Variants in NCAPD3 observed in about 807,000 individuals in gnomAD.
NCAPD3 encodes condensin-2 complex subunit D3.
NCAPD3 carries 105 observed loss-of-function variants against 182.9 expected under a neutral mutation model. The ratio of observed to expected loss-of-function variants is 0.57; its 90% CI spans 0.49 to 0.68. The LOEUF (loss-of-function observed/expected upper bound fraction) is 0.68. NCAPD3 is among the 30% of genes least tolerant of loss of function. The pLI is 0.00. For synonymous variants in NCAPD3, 815 were observed against 679.9 expected (o/e 1.20, Z -3.09); for missense variants, 1,944 against 1,837.0 (o/e 1.06, Z -1.07).
intron 16 of NCAPD3, among the ~76,000 whole-genome samples, chr11:134,186,919 C>T (rs1944419134): frequency 6.6e-6 from 1 of 152,060 alleles, no homozygotes; most frequent in African/African-American, 2.4e-5. Context: ...GTCCAAATAC[C>T]ACAAGATATA....
rs768233170 is a variant in NCAPD3, at chr11:134,158,115, C to T, written c.4035-48G>A. The T allele has an allele frequency of 5.6e-6, 9 of 1,597,160 alleles. No homozygotes were observed. In the East Asian group the frequency reaches 2.0e-4, roughly 36 times the overall value. ...CTGACTTTCTCACTGCAGACCACTG[C>T]AGAGGTGACAGTGCTGCACTGTGTC... On this transcript the variant is annotated intron_variant, in intron 30 of 34. Transcript: ENST00000534548.
Position 134,153,042 on chromosome 11 carries a change from G to A in NCAPD3, c.4399C>T (p.Pro1467Ser). Residue 1467 changes from proline to serine, a missense_variant, in exon 35 of 35, where the codon CCT (proline) becomes TCT (serine). Pro to Ser is a moderately conservative substitution (Grantham distance 74, BLOSUM62 -1). Around this residue, in one of 3 missense-constraint regions of NCAPD3, gnomAD observed 1,803 missense variants for 1,674.6 expected, o/e 1.08. Transcript: ENST00000534548. ...GGAGACCGCACATTCCACTGCTGAG[G>A]CTGTGGGGGCCTAGGGAAAGGACAT... Reference protein sequence around the residue: ...LSLPDKPPPQPQQWNVRSPAR... With the variant: ...LSLPDKPPPQSQQWNVRSPAR... The A allele has an allele frequency of 6.2e-7, 1 of 1,603,282 alleles. No individual in the cohort carries two copies. The highest frequency in any genetic ancestry group is 8.5e-7 in the Non-Finnish European group (1 of 1,172,498).
Position 134,174,725 on chromosome 11 carries a change from A to C in NCAPD3, c.3101+1582T>G, listed in dbSNP as rs574127079. ...TGTCTATTTTCAAAAAGCTAGGGAG[A>C]GGATTTTGAAAGTTCCTGACACAAA... On this transcript the variant is annotated intron_variant, in intron 24 of 34. Transcript: ENST00000534548. 3.9e-5 allele frequency among the ~76,000 whole-genome samples: 6 copies of C among 152,340 alleles called. No individual in the cohort carries two copies. In the South Asian group the frequency reaches 8.3e-4, roughly 21 times the overall value.
chr11:134,182,854 C>T lies in NCAPD3; in HGVS notation c.2452-1670G>A, dbSNP rs908186960. Among the ~76,000 whole-genome samples the T allele has an allele frequency of 1.5e-4, 23 of 152,216 alleles. 1 individual carries two copies. Among genetic ancestry groups the T allele is most frequent in the Non-Finnish European group, 1.5e-4 (10 of 68,040 alleles). On this transcript the variant is annotated intron_variant, in intron 19 of 34. Transcript: ENST00000534548. ...GAGAAGCGTGTTTAGGGGAAACAAG[C>T]GGGTCACATGGATTGAAAATATCCT...
chr11:134,206,795 T>G, intron 7 of NCAPD3, 63 bp from the exon 8 acceptor site: 3 of 1,518,936 alleles, frequency 2.0e-6, no homozygotes, highest in Non-Finnish European at 2.7e-6. Flanking sequence ...TCAGACATAG[T>G]GATGCAGACT....
Position 134,150,855 on chromosome 11 carries a change from C to A in NCAPD3, c.*2089G>T, listed in dbSNP as rs530777526. 14 of 152,226 alleles carry A rather than the reference C, an allele frequency of 9.2e-5. No homozygotes were observed. The highest frequency in any genetic ancestry group is 8.3e-4 in the South Asian group (4 of 4,822). The allele number at this position is 152,226 out of a possible 1,614,324, so 9.4% of individuals were successfully genotyped here. On this transcript the variant is annotated 3_prime_UTR_variant, in exon 35 of 35. Transcript: ENST00000534548. ...GCGGCCAGTCCAGCCTTTTAAAGAACGTCAGGTGGAGCAGCCAGGTGAAAG... is the reference window on the plus strand; with the variant it reads ...GCGGCCAGTCCAGCCTTTTAAAGAAAGTCAGGTGGAGCAGCCAGGTGAAAG...
rs1012431935 is a variant in NCAPD3 at position 134,152,701 on chromosome 11, A to ATATT, written c.*239_*242dup. ...CACTTTCAAATGGAATAAAGTTACA[A>ATATT]TATTAAACAGATTAGGGTAAGAAAA... On this transcript the variant is annotated 3_prime_UTR_variant, in exon 35 of 35. Transcript: ENST00000534548. The ATATT allele has an allele frequency of 4.9e-6, 2 of 412,064 alleles. No homozygotes were observed. Among genetic ancestry groups the ATATT allele is most frequent in the Non-Finnish European group, 8.6e-6 (2 of 233,680 alleles). 25.5% of individuals were successfully genotyped at this position (412,064 alleles called of 1,614,324 possible). A position where few individuals can be genotyped will look rare whatever the true frequency, so the allele number is the denominator to read the frequency against.
At chr11:134,209,812 C>T (rs1381825624) in intron 4 of NCAPD3, 3 of 238,348 alleles carry the variant, frequency 1.3e-5, no homozygotes, top group East Asian at 9.9e-5. Flanking sequence ...GTAACCCCAG[C>T]GGGAGGCCAA....
intron 27 of NCAPD3, among the ~76,000 whole-genome samples, chr11:134,165,292 A>T: frequency 7.1e-6 from 1 of 140,208 alleles, no homozygotes; most frequent in South Asian, 2.4e-4. Context: ...TGTGAGATGA[A>T]CTTAGGGAAG....
At chr11:134,156,964 C>A in intron 32 of NCAPD3, 54 bp downstream of exon 32, 1 of 1,463,102 alleles carries the variant, frequency 6.8e-7, no homozygotes. Context: ...GCAAACACAT[C>A]ACGAATGCAG....
intron 16 of NCAPD3, among the ~76,000 whole-genome samples, chr11:134,186,801 T>C (rs377457384): frequency 6.6e-6 from 1 of 152,116 alleles, no homozygotes; most frequent in East Asian, 1.9e-4. Flanking sequence ...AATAAGCATA[T>C]GCATATAAAT....
intron 28 of NCAPD3, among the ~76,000 whole-genome samples, chr11:134,161,123 A>T (rs1943565702): frequency 6.6e-6 from 1 of 152,184 alleles, no homozygotes; most frequent in South Asian, 2.1e-4. Context: ...TGGAAAAAAA[A>T]TTGTAGCATT....
chr11:134,183,019 A>T, intron 19 of NCAPD3: 1 of 445,978 alleles, frequency 2.2e-6, no homozygotes, highest in African/African-American at 2.0e-5. Context: ...TAACCTGAAG[A>T]CAGTTCTTGC....
At position 134,210,386 on chromosome 11, in the gene NCAPD3, A is replaced by C; in HGVS notation, c.451T>G (p.Trp151Gly). The change falls in exon 4 of 35, where the codon TGG (tryptophan) becomes GGG (glycine). Residue 151 changes from tryptophan to glycine, a missense_variant. This residue lies in a region of NCAPD3 where 1,803 missense variants were observed against 1,674.6 expected (regional missense o/e 1.08). Transcript: ENST00000534548. ...DKCIQTLKKS[W>G]PQESNLNRKR... ...CGATTCAAGTTAGATTCCTGGGGCC[A>C]GCTCTTCTTTAGAGTCTGAATGCAT... 5 of 1,614,162 alleles carry C rather than the reference A, an allele frequency of 3.1e-6. No homozygotes were observed. Among genetic ancestry groups the C allele is most frequent in the African/African-American group, 1.3e-5 (1 of 75,052 alleles).
Position 134,209,188 on chromosome 11 carries a change from T to C in NCAPD3, c.751A>G (p.Asn251Asp). Reference protein sequence around the residue: ...NCIEVFVSLTNFEPVLHECHV... With the variant: ...NCIEVFVSLTDFEPVLHECHV... Reference sequence around the variant, plus strand: ...CATTCATGAAGAACTGGCTCAAAATTAGTTAATGAAACAAAGACCTAGAAA... The same window carrying C: ...CATTCATGAAGAACTGGCTCAAAATCAGTTAATGAAACAAAGACCTAGAAA... The change falls in exon 6 of 35, where the codon AAT becomes GAT. Residue 251 changes from asparagine (N) to aspartate (D), a missense_variant. This residue lies in a region of NCAPD3 where 1,803 missense variants were observed against 1,674.6 expected (regional missense o/e 1.08). Transcript: ENST00000534548. The C allele has an allele frequency of 6.2e-7, 1 of 1,613,394 alleles. No individual in the cohort carries two copies. The highest frequency in any genetic ancestry group is 8.5e-7 in the Non-Finnish European group (1 of 1,179,734).
rs1943529500 is a variant in NCAPD3 at position 134,159,900 on chromosome 11, C to A, written c.3859G>T (p.Val1287Leu). The A allele has an allele frequency of 6.2e-7, 1 of 1,612,514 alleles. No individual in the cohort carries two copies. Among genetic ancestry groups the A allele is most frequent in the Non-Finnish European group, 8.5e-7 (1 of 1,179,740 alleles). The change falls in exon 29 of 35, where the codon GTG (valine) becomes TTG (leucine). Residue 1287 changes from valine to leucine, a missense_variant. By Grantham distance (32) the Val-to-Leu change is conservative. This residue lies in a region of NCAPD3 where 1,803 missense variants were observed against 1,674.6 expected (regional missense o/e 1.08). Coordinates refer to ENST00000534548, the MANE Select transcript of NCAPD3 (RefSeq NM_015261.3). The part of the protein sequence containing the change: ...GTAGGAEVAP[V>L]AQVALCLETV... ...GTGGGCCCCACACCTACCTGTGCCA[C>A]AGGTGCCACCTCAGCACCTCCAGCC...
rs1943439992 is a variant in NCAPD3 at position 134,157,020 on chromosome 11, T to G, written c.4250A>C (p.Glu1417Ala). 2 of 1,611,606 alleles carry G rather than the reference T, an allele frequency of 1.2e-6. No homozygotes were observed. Among genetic ancestry groups the G allele is most frequent in the Non-Finnish European group, 8.5e-7 (1 of 1,178,174 alleles). ...ACGTGTTCCGATCAGTTACTCACTCTCGGGGGTGCTGATGGCCCGCTTGGT... is the reference window on the plus strand; with the variant it reads ...ACGTGTTCCGATCAGTTACTCACTCGCGGGGGTGCTGATGGCCCGCTTGGT... ...HVTKRAISTP[E>A]KSISDVTFGA... The change falls in exon 32 of 35, where the codon GAG becomes GCG. Residue 1417 changes from glutamate (E) to alanine (A), a missense_variant and splice_region_variant. Around this residue, in one of 3 missense-constraint regions of NCAPD3, gnomAD observed 1,803 missense variants for 1,674.6 expected, o/e 1.08. Coordinates refer to ENST00000534548, the MANE Select transcript of NCAPD3 (RefSeq NM_015261.3).
chr11:134,219,589 T>A (rs537538689), intron 2 of NCAPD3, among the ~76,000 whole-genome samples: 4 of 151,814 alleles, frequency 2.6e-5, no homozygotes, highest in African/African-American at 4.8e-5. Context: ...TGGAAGTGAA[T>A]TTTTTTTTGT....
intron 32 of NCAPD3, among the ~76,000 whole-genome samples, chr11:134,154,878 C>T (rs1389765364): frequency 6.6e-6 from 1 of 152,170 alleles, no homozygotes; most frequent in Non-Finnish European, 1.5e-5. Context: ...CACTAATAGA[C>T]GATGGTAGAG....
Sources: gnomAD v4.1 joint callset for allele counts (sites outside exome capture counted in the v4.1 genomes callset) on GRCh38, gnomAD v4.1.1 for gene constraint, gnomAD v4.1.1 regional missense constraint, MANE v1.5 for transcripts, NCBI Gene and HGNC (gene_info 2026-07-23, HGNC 2026-07-21) for gene names.